Variants in ETV4 observed in about 807,000 individuals in gnomAD.
The protein encoded by ETV4 is ETS translocation variant 4.
A neutral mutation model predicts 65.9 loss-of-function variants in ETV4; 42 were observed. That is an observed-to-expected ratio of 0.64 (90% CI 0.50 to 0.82). ETV4 has a LOEUF of 0.82. Among genes scored for constraint, ETV4 ranks in the 40% least tolerant of loss-of-function variants. The pLI is 0.00. For missense variants in ETV4, 583 were observed against 630.3 expected (o/e 0.92, Z 0.80); for synonymous variants, 238 against 260.0 (o/e 0.92, Z 0.81).
intron 4 of ETV4, among the ~76,000 whole-genome samples, chr17:43,539,579 G>A (rs985528475): frequency 2.6e-5 from 4 of 152,186 alleles, no homozygotes; most frequent in Non-Finnish European, 5.9e-5. Context: ...CCCAGCACAG[G>A]GTTAGAGTAG....
intron 8 of ETV4, 120 bp downstream of exon 8, chr17:43,532,554 A>C: frequency 1.1e-6 from 1 of 904,940 alleles, no homozygotes; most frequent in Non-Finnish European, 1.7e-6. Flanking sequence ...GAAGAAAAAA[A>C]GTGGGTGGGT....
chr17:43,545,553 C>G lies in ETV4; in HGVS notation c.60+5G>C. Reference sequence around the variant, plus strand: ...GGCGGGCGTGGAGGCCGGCGCGGCGCTCACGCTGCTGAAGGTGTAGGGCAC... The same window carrying G: ...GGCGGGCGTGGAGGCCGGCGCGGCGGTCACGCTGCTGAAGGTGTAGGGCAC... On this transcript the variant is annotated splice_donor_5th_base_variant and intron_variant, in intron 2 of 12. Coordinates refer to ENST00000319349, the MANE Select transcript of ETV4 (RefSeq NM_001079675.5). 2 of 1,548,716 alleles carry G rather than the reference C, an allele frequency of 1.3e-6. No homozygotes were observed. The highest frequency in any genetic ancestry group is 1.7e-6 in the Non-Finnish European group (2 of 1,146,368).
At position 43,532,635 on chromosome 17, in the gene ETV4, C is replaced by A. The variant is rs557779520; in HGVS notation, c.811+39G>T. 3.4e-4 allele frequency: 529 copies of A among 1,576,478 alleles called. 7 individuals are homozygous for A. In the South Asian group the frequency reaches 5.5e-3, roughly 16 times the overall value. On this transcript the variant is annotated intron_variant, in intron 8 of 12. Transcript: ENST00000319349. ...GAGACATTCTGGGCTTAACTGAACA[C>A]TTGATCACATGCCACCCTGCCCCAC...
chr17:43,536,749 A>G (rs1166391474), intron 4 of ETV4, among the ~76,000 whole-genome samples: 2 of 152,270 alleles, frequency 1.3e-5, no homozygotes, highest in East Asian at 3.8e-4. Context: ...CCTGGGCCGC[A>G]TTCAAAGCTA....
Position 43,529,628 on chromosome 17 carries a change from T to C in ETV4, c.1004A>G (p.Tyr335Cys), listed in dbSNP as rs1567706269. 1.9e-6 allele frequency: 3 copies of C among 1,614,076 alleles called. No homozygotes were observed. Among genetic ancestry groups the C allele is most frequent in the Middle Eastern group, 1.7e-4 (1 of 6,058 alleles). Reference protein sequence around the residue: ...GVGAFREGPPYQRRGALQLWQ... With the variant: ...GVGAFREGPPCQRRGALQLWQ... The stretch of plus-strand genomic sequence containing the variant: ...CAGCTGCAGGGCACCCCGGCGCTGG[T>C]AGGGCGGCCCCTCTCGAAATGCACC... The change falls in exon 11 of 13, where the codon TAC becomes TGC. Residue 335 changes from tyrosine (Y) to cysteine (C), a missense_variant. Transcript: ENST00000319349.
At chr17:43,545,478 G>A (rs1971765156) in intron 2 of ETV4, 80 bp downstream of exon 2, 5 of 1,283,784 alleles carry the variant, frequency 3.9e-6, no homozygotes, top group Non-Finnish European at 5.2e-6. Context: ...ACTCCGCTGG[G>A]ACTGCGGGGA....
intron 3 of ETV4, 71 bp downstream of exon 3, chr17:43,545,203 G>GTGTGTGTGTGTA: frequency 1.2e-6 from 1 of 868,760 alleles, no homozygotes; most frequent in East Asian, 2.7e-5. Context: ...CCGTGTGTGT[G>GTGTGTGTGTGTA]TGTGTGTGTG....
chr17:43,535,274 T>A (rs1971176332), intron 5 of ETV4, among the ~76,000 whole-genome samples: 1 of 145,128 alleles, frequency 6.9e-6, no homozygotes, highest in Admixed American at 6.8e-5. Context: ...GCAGGGTTTG[T>A]TTTTTGGTTT....
At chr17:43,538,606 C>T (rs1028712749) in intron 4 of ETV4, among the ~76,000 whole-genome samples, 3 of 152,226 alleles carry the variant, frequency 2.0e-5, no homozygotes, top group Non-Finnish European at 4.4e-5. Flanking sequence ...CTGGCCTCCC[C>T]AGAGCGGGGC....
intron 4 of ETV4, among the ~76,000 whole-genome samples, chr17:43,536,933 C>T (rs73304591): frequency 0.028 from 4,189 of 152,298 alleles, 182 homozygotes; most frequent in African/African-American, 0.096. Context: ...CTTCTAGATG[C>T]TTTGTCTTTA....
intron 4 of ETV4, among the ~76,000 whole-genome samples, chr17:43,539,845 G>C (rs190848872): frequency 3.9e-5 from 6 of 152,280 alleles, no homozygotes; most frequent in Admixed American, 3.9e-4. Flanking sequence ...TCAACAATTT[G>C]CTTTAAATAT....
intron 8 of ETV4, among the ~76,000 whole-genome samples, chr17:43,530,876 C>T (rs1257082458): frequency 6.6e-6 from 1 of 151,958 alleles, no homozygotes; most frequent in Admixed American, 6.5e-5. Flanking sequence ...AAACATGACA[C>T]CTCCGGGAGG....
Position 43,545,655 on chromosome 17 carries a change from G to A in ETV4, c.-38C>T, listed in dbSNP as rs1971783175. On this transcript the variant is annotated 5_prime_UTR_variant, in exon 2 of 13. Transcript: ENST00000319349. ...TCCGGCCGCACGGCCGGGGCCCCAA[G>A]CGGGGGCCGAGACCTGGTGGGGGAG... 1.3e-6 allele frequency: 2 copies of A among 1,545,202 alleles called. No homozygotes were observed. The highest frequency in any genetic ancestry group is 2.4e-5 in the South Asian group (2 of 83,896).
chr17:43,538,846 C>T (rs1050515747), intron 4 of ETV4, among the ~76,000 whole-genome samples: 9 of 152,152 alleles, frequency 5.9e-5, no homozygotes, highest in African/African-American at 2.2e-4. Context: ...CTGGAGACTG[C>T]TCTCAGATTG....
Position 43,528,627 on chromosome 17 carries a change from A to G in ETV4, c.1347T>C (p.Ser449=). 6.2e-7 allele frequency: 1 copy of G among 1,614,088 alleles called. No homozygotes were observed. The highest frequency in any genetic ancestry group is 1.1e-5 in the South Asian group (1 of 91,078). Residue 449 remains serine, a synonymous_variant, in exon 13 of 13, where the codon AGT becomes AGC. Coordinates refer to ENST00000319349, the MANE Select transcript of ETV4 (RefSeq NM_001079675.5). ...ALKAEFDRPV[S]EEDTVPLSHL... ...GGGACAAAGGGACTGTGTCCTCCTC[A>G]CTGACAGGCCGGTCAAACTCAGCCT...
chr17:43,536,572 A>C, intron 4 of ETV4, 93 bp from the exon 5 acceptor site: 2 of 1,089,474 alleles, frequency 1.8e-6, no homozygotes, highest in Non-Finnish European at 2.8e-6. Context: ...AGCAACAGCC[A>C]AGAAAGGACC....
intron 5 of ETV4, among the ~76,000 whole-genome samples, chr17:43,535,837 C>T (rs1448123307): frequency 6.6e-6 from 1 of 152,086 alleles, no homozygotes; most frequent in Non-Finnish European, 1.5e-5. Flanking sequence ...TGGGGGCGGG[C>T]GCACTGGGCT....
In ETV4 at chr17:43,529,254, T is replaced by C. The variant is rs774276897; in HGVS notation, c.1129-18A>G. ...CTGGCGACCTGGGAACAAAACAGTTTTGGGGTAGAGATGCTACCTTGGCAG... is the reference window on the plus strand; with the variant it reads ...CTGGCGACCTGGGAACAAAACAGTTCTGGGGTAGAGATGCTACCTTGGCAG... On this transcript the variant is annotated intron_variant, in intron 11 of 12. Coordinates refer to ENST00000319349, the MANE Select transcript of ETV4 (RefSeq NM_001079675.5). 5.6e-6 allele frequency: 9 copies of C among 1,613,122 alleles called. No homozygotes were observed. In the East Asian group the frequency reaches 1.8e-4, roughly 32 times the overall value.
In ETV4 at chr17:43,545,864, C is replaced by T; in HGVS notation, c.-51-196G>A. ...CAAAGGCCAAAGGAGGTCCCACCTG[C>T]TCCCAGGAGCCGGGCTCGCCGTTTC... On this transcript the variant is annotated intron_variant, in intron 1 of 12. Transcript: ENST00000319349. 7 of 593,836 alleles carry T rather than the reference C, an allele frequency of 1.2e-5. 1 individual carries two copies. In the South Asian group the frequency reaches 1.4e-4, roughly 12 times the overall value. 36.8% of individuals were successfully genotyped at this position (593,836 alleles called of 1,614,324 possible). A position where few individuals can be genotyped will look rare whatever the true frequency, so the allele number is the denominator to read the frequency against.
Sources: allele counts gnomAD v4.1 joint callset (sites outside exome capture counted in the v4.1 genomes callset), GRCh38; gene constraint gnomAD v4.1.1; transcripts MANE v1.5; gene names NCBI Gene and HGNC (gene_info 2026-07-23, HGNC 2026-07-21).